The following RNF216 variants were observed in gnomAD, a reference collection of about 807,000 sequenced individuals.
The protein encoded by RNF216 is ring finger protein 216, also known as E3 ubiquitin-protein ligase RNF216.
RNF216 carries 72 observed loss-of-function variants against 110.8 expected under a neutral mutation model. That is an observed-to-expected ratio of 0.65 (90% confidence interval 0.54 to 0.79). The LOEUF (loss-of-function observed/expected upper bound fraction) is 0.79. Ranked by LOEUF, RNF216 falls within the 30% of genes least tolerant of loss-of-function variation. The pLI is 0.00. For synonymous variants in RNF216, 495 were observed against 407.5 expected (o/e 1.21, Z -2.59); for missense variants, 1,342 against 1,141.2 (o/e 1.18, Z -2.54).
At position 5,725,368 on chromosome 7, in the gene RNF216, T is replaced by C. The variant is rs771766081; in HGVS notation, c.1460A>G (p.Lys487Arg). Residue 487 changes from lysine to arginine, a missense_variant, in exon 8 of 17, where the codon AAA becomes AGA. Physicochemically the swap from Lys to Arg is conservative, Grantham distance 26. Coordinates refer to ENST00000389902, the MANE Select transcript of RNF216 (RefSeq NM_207111.4). ...AATGTAAGAATACTGGTTCATTTGT[T>C]TTCTCTTCTTCCTTTTTCCACTGGT... ...PETSGKRKKR[K>R]QMNQYSYIDF... 1.9e-6 allele frequency: 3 copies of C among 1,613,756 alleles called. No individual in the cohort carries two copies. Among genetic ancestry groups the C allele is most frequent in the Non-Finnish European group, 1.7e-6 (2 of 1,179,612 alleles).
In RNF216 at chr7:5,678,436, G is replaced by A. The variant is rs117603223; in HGVS notation, c.2062-25926C>T. ...GACCTACGTTACCACCTCCCCAAGCGCAGAGAAAAATGAGATTCAGAGATT... is the reference window on the plus strand; with the variant it reads ...GACCTACGTTACCACCTCCCCAAGCACAGAGAAAAATGAGATTCAGAGATT... On this transcript the variant is annotated intron_variant, in intron 13 of 16. Coordinates refer to ENST00000389902, the MANE Select transcript of RNF216 (RefSeq NM_207111.4). 4.6e-4 allele frequency among the ~76,000 whole-genome samples: 70 copies of A among 152,232 alleles called. No individual in the cohort carries two copies. The East Asian group carries it at 9.1e-3, about 20-fold the overall frequency.
Position 5,628,371 on chromosome 7 carries a change from T to C in RNF216, c.2383-4246A>G, listed in dbSNP as rs114293253. On this transcript the variant is annotated intron_variant, in intron 15 of 16. Transcript: ENST00000389902. Reference sequence around the variant, plus strand: ...GCCAACTGTCAGTTATACCTAGATATAGGGTTAGGTGTTTCAGATTTCAAC... The same window carrying C: ...GCCAACTGTCAGTTATACCTAGATACAGGGTTAGGTGTTTCAGATTTCAAC... 6.0e-3 allele frequency among the ~76,000 whole-genome samples: 910 copies of C among 152,310 alleles called. 6 individuals are homozygous for C. The highest frequency in any genetic ancestry group is 0.02 in the African/African-American group (816 of 41,566).
At chr7:5,636,334 T>C (rs545907121) in intron 15 of RNF216, among the ~76,000 whole-genome samples, 54 of 152,334 alleles carry the variant, frequency 3.5e-4, no homozygotes, top group African/African-American at 1.3e-3. Context: ...TTTATAAGAC[T>C]CTTAGTTGAA....
At chr7:5,640,360 C>CT (rs1787662394) in intron 15 of RNF216, among the ~76,000 whole-genome samples, 1 of 152,196 alleles carries the variant, frequency 6.6e-6, no homozygotes, top group Non-Finnish European at 1.5e-5. Flanking sequence ...CTCTCCCCAG[C>CT]GTAGTAGCTA....
At position 5,741,149 on chromosome 7, in the gene RNF216, G is replaced by C. The variant is rs1471130027; in HGVS notation, c.868C>G (p.Pro290Ala). The C allele has an allele frequency of 6.2e-7, 1 of 1,614,040 alleles. No homozygotes were observed. The highest frequency in any genetic ancestry group is 8.5e-7 in the Non-Finnish European group (1 of 1,180,042). ...QQGGISGPSS[P>A]QPAHPLGEFE... Reference sequence around the variant, plus strand: ...TCTCCTAGAGGATGGGCAGGCTGAGGAGAAGAGGGGCCTGAAATCCCACCT... The same window carrying C: ...TCTCCTAGAGGATGGGCAGGCTGAGCAGAAGAGGGGCCTGAAATCCCACCT... Residue 290 changes from proline (P) to alanine (A), a missense_variant, in exon 4 of 17, where the codon CCT becomes GCT. By Grantham distance (27) the Pro-to-Ala change is conservative (BLOSUM62 -1). Transcript: ENST00000389902.
At chr7:5,743,204 G>A (rs1794857282) in intron 3 of RNF216, among the ~76,000 whole-genome samples, 1 of 152,096 alleles carries the variant, frequency 6.6e-6, no homozygotes, top group Admixed American at 6.6e-5. Context: ...AGAGGTTGCA[G>A]TGAGCCAAGA....
At chr7:5,710,599 T>C (rs1792615867) in intron 13 of RNF216, among the ~76,000 whole-genome samples, 1 of 152,174 alleles carries the variant, frequency 6.6e-6, no homozygotes. Context: ...TTATATTTTA[T>C]CTCTCCCCAC....
At position 5,753,044 on chromosome 7, in the gene RNF216, T is replaced by A. The variant is rs186285620; in HGVS notation, c.68-65A>T. On this transcript the variant is annotated intron_variant, in intron 2 of 16. Coordinates refer to ENST00000389902, the MANE Select transcript of RNF216 (RefSeq NM_207111.4). ...ACTATCACATCCAACTCTTTAAGTT[T>A]TTCCTGACAGGGGTACAGCCTAAAG... 2.8e-5 allele frequency: 43 copies of A among 1,538,344 alleles called. 1 individual carries two copies. In the Middle Eastern group the frequency reaches 5.6e-4, roughly 20 times the overall value.
chr7:5,719,763 C>A (rs1793296085), intron 9 of RNF216, among the ~76,000 whole-genome samples: 1 of 152,146 alleles, frequency 6.6e-6, no homozygotes, highest in Admixed American at 6.5e-5. Flanking sequence ...AAAATGCCTG[C>A]CAAATACCTA....
intron 13 of RNF216, among the ~76,000 whole-genome samples, chr7:5,692,308 A>C (rs2128614440): frequency 6.6e-6 from 1 of 152,338 alleles, no homozygotes; most frequent in Non-Finnish European, 1.5e-5. Flanking sequence ...TGTTACACAT[A>C]CTAGGAAAGT....
At chr7:5,741,877 C>T in intron 3 of RNF216, 62 bp from the exon 4 acceptor site, 1 of 1,513,666 alleles carries the variant, frequency 6.6e-7, no homozygotes. Context: ...TCCTTATGTA[C>T]TTATATTGAG....
At chr7:5,659,315 G>A (rs948988803) in intron 13 of RNF216, among the ~76,000 whole-genome samples, 3 of 152,166 alleles carry the variant, frequency 2.0e-5, no homozygotes, top group African/African-American at 7.2e-5. Context: ...GAAAAACACA[G>A]ATATTAACTG....
At chr7:5,772,209 G>GCTTGAGT (rs948295734) in intron 1 of RNF216, among the ~76,000 whole-genome samples, 74 of 152,130 alleles carry the variant, frequency 4.9e-4, no homozygotes, top group African/African-American at 1.7e-3. Context: ...CTCCAGCCTG[G>GCTTGAGT]GCAACAAGAG....
In RNF216 at chr7:5,631,549, C is replaced by T. The variant is rs116352976; in HGVS notation, c.2383-7424G>A. Among the ~76,000 whole-genome samples, 196 of 152,288 alleles carry T rather than the reference C, an allele frequency of 1.3e-3. 1 individual carries two copies. The highest frequency in any genetic ancestry group is 4.5e-3 in the African/African-American group (185 of 41,554). The stretch of plus-strand genomic sequence containing the variant: ...AAGCGAATGCTTCAAGATTTCCTTG[C>T]CTGACATGTTTTCTCCTGACACTAC... On this transcript the variant is annotated intron_variant, in intron 15 of 16. Transcript: ENST00000389902.
intron 16 of RNF216, 42 bp from the exon 17 acceptor site, chr7:5,623,221 A>G: frequency 6.6e-7 from 1 of 1,510,702 alleles, no homozygotes; most frequent in East Asian, 2.3e-5. Context: ...ACATTAAACC[A>G]ACCTCAATGG....
intron 3 of RNF216, among the ~76,000 whole-genome samples, chr7:5,748,611 T>TAAACAC (rs977218290): frequency 2.8e-5 from 4 of 143,160 alleles, no homozygotes; most frequent in African/African-American, 1.0e-4. Context: ...TTTATATACA[T>TAAACAC]ACACACACAC....
At chr7:5,663,131 A>T (rs771851078) in intron 13 of RNF216, among the ~76,000 whole-genome samples, 9 of 152,172 alleles carry the variant, frequency 5.9e-5, no homozygotes, top group Non-Finnish European at 1.3e-4. Flanking sequence ...CACAGCACTT[A>T]GCTTATGCGT....
intron 13 of RNF216, among the ~76,000 whole-genome samples, chr7:5,657,499 A>T (rs1399195725): frequency 1.3e-5 from 2 of 152,100 alleles, no homozygotes; most frequent in African/African-American, 4.8e-5. Context: ...CCCAGGAGGT[A>T]GTGGTTGCGG....
At chr7:5,752,164 A>G (rs1182095691) in intron 3 of RNF216, among the ~76,000 whole-genome samples, 1 of 152,100 alleles carries the variant, frequency 6.6e-6, no homozygotes, top group East Asian at 1.9e-4. Context: ...CAGTCTGGGA[A>G]AAGAGCAAAA....
Sources: gnomAD v4.1 joint callset for allele counts (sites outside exome capture counted in the v4.1 genomes callset) on GRCh38, gnomAD v4.1.1 for gene constraint, MANE v1.5 for transcripts, NCBI Gene and HGNC (gene_info 2026-07-23, HGNC 2026-07-21) for gene names.